The following LPP variants were observed in gnomAD, a reference collection of about 807,000 sequenced individuals.
The protein encoded by LPP is lipoma-preferred partner.
A neutral mutation model predicts 60.4 loss-of-function variants in LPP; 38 were observed. The ratio of observed to expected loss-of-function variants is 0.63; its 90% CI spans 0.49 to 0.83. LPP has a LOEUF of 0.83. LPP is among the 40% of genes least tolerant of loss of function. The probability of loss-of-function intolerance (pLI) is 0.00; values close to 1 mark genes in which losing one functional copy is unlikely to be tolerated. For missense variants in LPP, 902 were observed against 783.6 expected (o/e 1.15, Z -1.80); for synonymous variants, 328 against 290.8 (o/e 1.13, Z -1.30).
chr3:188,471,796 A>G (rs1801916415), intron 4 of LPP, among the ~76,000 whole-genome samples: 1 of 152,212 alleles, frequency 6.6e-6, no homozygotes, highest in African/African-American at 2.4e-5. Flanking sequence ...ATTTATGGTT[A>G]CCATGGCACA....
chr3:188,627,924 C>T (rs1345096711), intron 7 of LPP, among the ~76,000 whole-genome samples: 3 of 152,036 alleles, frequency 2.0e-5, no homozygotes, highest in Non-Finnish European at 4.4e-5. Flanking sequence ...ATTCTCAGAC[C>T]ACAGTGCAAT....
intron 7 of LPP, among the ~76,000 whole-genome samples, chr3:188,662,982 ATGT>A (rs1365576128): frequency 6.6e-6 from 1 of 152,262 alleles, no homozygotes; most frequent in Non-Finnish European, 1.5e-5. Context: ...CAAGAATAGT[ATGT>A]TATCTGAATT....
intron 9 of LPP, among the ~76,000 whole-genome samples, chr3:188,838,964 C>T (rs1759203115): frequency 6.6e-6 from 1 of 152,104 alleles, no homozygotes; most frequent in African/African-American, 2.4e-5. Flanking sequence ...ACCACCATGG[C>T]ACATGTATAC....
rs1379478231 is a variant in LPP at position 188,613,314 on chromosome 3, A to ATC, written c.1113+3471_1113+3472insCT. Among the ~76,000 whole-genome samples the ATC allele has an allele frequency of 8.4e-4, 121 of 144,376 alleles. 1 individual carries two copies. The highest frequency in any genetic ancestry group is 2.4e-3 in the African/African-American group (95 of 38,994). 94.7% of individuals were successfully genotyped at this position (144,376 alleles called of 152,430 possible). On this transcript the variant is annotated intron_variant, in intron 7 of 11. Coordinates refer to ENST00000617246, the MANE Select transcript of LPP (RefSeq NM_001375462.1). ...TATCTATATCTATATCTATATCTAT[A>ATC]TATATCGCTGTGAGTTGGGAGCCAC...
chr3:188,580,747 A>G (rs1270879331), intron 6 of LPP, among the ~76,000 whole-genome samples: 2 of 152,240 alleles, frequency 1.3e-5, no homozygotes, highest in African/African-American at 4.8e-5. Flanking sequence ...CCAGAAAAAC[A>G]GAATCAGTAG....
At chr3:188,817,744 C>T (rs1367330404) in intron 9 of LPP, among the ~76,000 whole-genome samples, 1 of 152,124 alleles carries the variant, frequency 6.6e-6, no homozygotes, top group Non-Finnish European at 1.5e-5. Flanking sequence ...AAATGGAAAA[C>T]CAGATCCTGT....
At chr3:188,850,209 A>G (rs796633700) in intron 9 of LPP, among the ~76,000 whole-genome samples, 1 of 152,336 alleles carries the variant, frequency 6.6e-6, no homozygotes, top group African/African-American at 2.4e-5. Context: ...GAGGTCACTT[A>G]GGCAGGTATT....
At chr3:188,850,808 A>G (rs377711752) in intron 9 of LPP, among the ~76,000 whole-genome samples, 2 of 152,200 alleles carry the variant, frequency 1.3e-5, no homozygotes, top group Non-Finnish European at 2.9e-5. Flanking sequence ...TGGGCGCCAC[A>G]TGATGAAGGG....
chr3:188,228,138 C>T (rs1010445398), intron 2 of LPP, among the ~76,000 whole-genome samples: 4 of 152,174 alleles, frequency 2.6e-5, no homozygotes, highest in Admixed American at 2.0e-4. Context: ...ACTGTCTACA[C>T]GAGGATGCTG....
intron 7 of LPP, among the ~76,000 whole-genome samples, chr3:188,614,681 C>T (rs1844521384): frequency 6.6e-6 from 1 of 152,194 alleles, no homozygotes; most frequent in Non-Finnish European, 1.5e-5. Flanking sequence ...CAAGTCAGGT[C>T]TTCTAAAGAT....
intron 6 of LPP, chr3:188,562,213 A>T (rs1830889548): frequency 6.6e-6 from 1 of 152,058 alleles, no homozygotes; most frequent in South Asian, 2.1e-4. Flanking sequence ...TTTGAGAAGG[A>T]GTTCCATAAA....
At chr3:188,820,160 G>A (rs1753573428) in intron 9 of LPP, among the ~76,000 whole-genome samples, 1 of 152,150 alleles carries the variant, frequency 6.6e-6, no homozygotes, top group South Asian at 2.1e-4. Flanking sequence ...TACATTAACT[G>A]CTGTTAGCAA....
chr3:188,611,196 T>G (rs1292622047), intron 7 of LPP, among the ~76,000 whole-genome samples: 1 of 152,222 alleles, frequency 6.6e-6, no homozygotes, highest in East Asian at 1.9e-4. Flanking sequence ...TATAGCCTTA[T>G]GTGTGACCAC....
chr3:188,577,396 A>G (rs887858400), intron 6 of LPP, among the ~76,000 whole-genome samples: 2 of 152,074 alleles, frequency 1.3e-5, no homozygotes, highest in Non-Finnish European at 2.9e-5. Context: ...ATAGAAGTAC[A>G]TGTGTGTATT....
chr3:188,351,688 T>C (rs1028582492), intron 3 of LPP, among the ~76,000 whole-genome samples: 1 of 152,172 alleles, frequency 6.6e-6, no homozygotes, highest in African/African-American at 2.4e-5. Context: ...TAGCAGAAGC[T>C]CTTTCCTGTA....
intron 6 of LPP, among the ~76,000 whole-genome samples, chr3:188,582,456 C>T (rs1836468239): frequency 6.6e-6 from 1 of 152,062 alleles, no homozygotes; most frequent in Non-Finnish European, 1.5e-5. Context: ...GCTGGGATTA[C>T]AGGCATGAGC....
At chr3:188,744,650 C>T (rs1319864808) in intron 8 of LPP, among the ~76,000 whole-genome samples, 1 of 152,080 alleles carries the variant, frequency 6.6e-6, no homozygotes, top group Non-Finnish European at 1.5e-5. Flanking sequence ...ATTTTCTACT[C>T]CCATTGCTCC....
intron 2 of LPP, among the ~76,000 whole-genome samples, chr3:188,303,131 C>T (rs1489761683): frequency 6.6e-6 from 1 of 152,188 alleles, no homozygotes; most frequent in Non-Finnish European, 1.5e-5. Flanking sequence ...AGATGGTACA[C>T]AGCTTAGATT....
intron 1 of LPP, among the ~76,000 whole-genome samples, chr3:188,176,192 A>G (rs1189778621): frequency 6.6e-6 from 1 of 152,174 alleles, no homozygotes; most frequent in African/African-American, 2.4e-5. Context: ...AGAGGTTCTG[A>G]TGCTGTAAAT....
Sources: gnomAD v4.1 joint callset for allele counts (sites outside exome capture counted in the v4.1 genomes callset) on GRCh38, gnomAD v4.1.1 for gene constraint, MANE v1.5 for transcripts, NCBI Gene and HGNC (gene_info 2026-07-23, HGNC 2026-07-21) for gene names.